The following RHOBTB3 variants were observed in gnomAD, a reference collection of about 807,000 sequenced individuals.
RHOBTB3 encodes the protein rho-related BTB domain-containing protein 3.
Under a neutral mutation model 67.2 loss-of-function variants are expected in RHOBTB3, and 47 were observed. The observed-to-expected ratio is 0.70, with a 90% CI of 0.55 to 0.89. RHOBTB3 has a LOEUF of 0.89. Among genes scored for constraint, RHOBTB3 ranks in the 40% least tolerant of loss-of-function variants. The probability of loss-of-function intolerance (pLI) is 0.00; values close to 1 mark genes in which losing one functional copy is unlikely to be tolerated. For synonymous variants in RHOBTB3, 273 were observed against 274.2 expected (o/e 1.00, Z 0.04); for missense variants, 631 against 750.0 (o/e 0.84, Z 1.85).
intron 5 of RHOBTB3, among the ~76,000 whole-genome samples, chr5:95,753,540 C>A (rs1745155134): frequency 2.0e-5 from 3 of 152,068 alleles, no homozygotes; most frequent in Non-Finnish European, 4.4e-5. Flanking sequence ...ATTTAAGGGA[C>A]CTCATCTCTT....
chr5:95,783,289 T>A (rs1161454221), intron 9 of RHOBTB3, among the ~76,000 whole-genome samples: 1 of 130,430 alleles, frequency 7.7e-6, no homozygotes, highest in African/African-American at 2.5e-5. Context: ...ACCTGGCTAA[T>A]TTTTTTTTAT....
At chr5:95,742,985 G>A (rs1446898384) in intron 3 of RHOBTB3, among the ~76,000 whole-genome samples, 1 of 152,130 alleles carries the variant, frequency 6.6e-6, no homozygotes, top group Admixed American at 6.5e-5. Context: ...GCAGGAGAAT[G>A]GCGTGAACCT....
At chr5:95,767,917 G>T in intron 7 of RHOBTB3, 129 bp from the exon 8 acceptor site, 2 of 891,514 alleles carry the variant, frequency 2.2e-6, no homozygotes, top group Non-Finnish European at 3.7e-6. Context: ...CCTGTGATCA[G>T]AGATGTCATA....
chr5:95,759,604 T>C (rs1477168429), intron 6 of RHOBTB3, among the ~76,000 whole-genome samples: 1 of 152,226 alleles, frequency 6.6e-6, no homozygotes, highest in Non-Finnish European at 1.5e-5. Context: ...TTTGAAAAAA[T>C]GTATTTTGTA....
At chr5:95,752,186 G>T in intron 4 of RHOBTB3, 53 bp from the exon 5 acceptor site, 1 of 1,089,922 alleles carries the variant, frequency 9.2e-7, no homozygotes, top group Non-Finnish European at 1.4e-6. Context: ...AAATTTTCAT[G>T]TTGGATATAT....
intron 9 of RHOBTB3, 53 bp from the exon 10 acceptor site, chr5:95,783,744 A>T: frequency 6.6e-7 from 1 of 1,513,658 alleles, no homozygotes; most frequent in Non-Finnish European, 9.1e-7. Flanking sequence ...TGTTTAGATC[A>T]TTAAAGAAAT....
intron 6 of RHOBTB3, among the ~76,000 whole-genome samples, chr5:95,761,277 CCTTTCCTGCATACCA>C (rs1745385322): frequency 6.6e-6 from 1 of 151,740 alleles, no homozygotes; most frequent in Non-Finnish European, 1.5e-5. Context: ...TTACATGTTC[CCTTTCCTGCATACCA>C]CTAACACTGG....
chr5:95,754,029 C>G (rs915705428), intron 5 of RHOBTB3, among the ~76,000 whole-genome samples: 5 of 152,014 alleles, frequency 3.3e-5, no homozygotes, highest in African/African-American at 1.2e-4. Flanking sequence ...CTGCATGAAC[C>G]AGGGTGGCAG....
At chr5:95,725,055 T>C (rs1289618070) in intron 1 of RHOBTB3, among the ~76,000 whole-genome samples, 1 of 152,092 alleles carries the variant, frequency 6.6e-6, no homozygotes, top group Non-Finnish European at 1.5e-5. Flanking sequence ...ACACATGCCA[T>C]GTGACCTAGC....
At chr5:95,774,195 G>A (rs1745803706) in intron 8 of RHOBTB3, among the ~76,000 whole-genome samples, 1 of 152,110 alleles carries the variant, frequency 6.6e-6, no homozygotes, top group African/African-American at 2.4e-5. Context: ...TTAGAAAAAT[G>A]TTGTAAGTGC....
At chr5:95,752,605 G>A (rs1389645558) in intron 5 of RHOBTB3, among the ~76,000 whole-genome samples, 1 of 152,138 alleles carries the variant, frequency 6.6e-6, no homozygotes, top group Non-Finnish European at 1.5e-5. Context: ...TGTGTCCTAG[G>A]TGGGGAGCTG....
At chr5:95,790,683 C>T (rs1750877781) in intron 11 of RHOBTB3, among the ~76,000 whole-genome samples, 1 of 152,158 alleles carries the variant, frequency 6.6e-6, no homozygotes, top group Admixed American at 6.5e-5. Flanking sequence ...AACTCTCATT[C>T]TGCAGTGCCT....
At chr5:95,751,281 C>A (rs1424836216) in intron 4 of RHOBTB3, 1 of 151,976 alleles carries the variant, frequency 6.6e-6, no homozygotes, top group East Asian at 1.9e-4. Flanking sequence ...GGTGGTTGCC[C>A]ACTGAGAAAA....
chr5:95,793,271 G>T lies in RHOBTB3; in HGVS notation c.*97G>T, dbSNP rs757956504. ...ATTCTTCTGACCGAAACCAATGTGG[G>T]TGTTAGAAAAATTACCATATAGCTT... On this transcript the variant is annotated 3_prime_UTR_variant, in exon 12 of 12. Transcript: ENST00000379982. 2.7e-6 allele frequency: 2 copies of T among 730,206 alleles called. No homozygotes were observed. The highest frequency in any genetic ancestry group is 4.5e-6 in the Non-Finnish European group (2 of 446,180). 45.2% of individuals were successfully genotyped at this position (730,206 alleles called of 1,614,324 possible).
At chr5:95,775,495 C>A (rs1745846860) in intron 8 of RHOBTB3, among the ~76,000 whole-genome samples, 1 of 149,216 alleles carries the variant, frequency 6.7e-6, no homozygotes, top group South Asian at 2.1e-4. Context: ...TCAAATATTC[C>A]AAAATCTAAA....
upstream of RHOBTB3, chr5:95,730,997 C>T (rs1478868501): frequency 4.8e-6 from 3 of 620,488 alleles, no homozygotes; most frequent in Middle Eastern, 3.1e-4. Flanking sequence ...TTTTCCAGTC[C>T]GGAGTGAGCG....
intron 8 of RHOBTB3, among the ~76,000 whole-genome samples, chr5:95,777,932 C>G (rs1745936790): frequency 6.6e-6 from 1 of 152,110 alleles, no homozygotes; most frequent in South Asian, 2.1e-4. Context: ...GCCTGGCCAA[C>G]ACAGCAAAAC....
chr5:95,772,507 C>A (rs143721014), intron 8 of RHOBTB3, among the ~76,000 whole-genome samples: 39 of 152,018 alleles, frequency 2.6e-4, no homozygotes, highest in African/African-American at 8.2e-4. Flanking sequence ...TAACCTAGGT[C>A]CTCTTGATTG....
chr5:95,775,748 A>G lies in RHOBTB3; in HGVS notation c.1283-4504A>G, dbSNP rs1015838757. Among the ~76,000 whole-genome samples, 154 of 152,194 alleles carry G rather than the reference A, an allele frequency of 1.0e-3. 1 individual carries two copies. Among genetic ancestry groups the G allele is most frequent in the African/African-American group, 3.6e-3 (151 of 41,536 alleles). ...ATGGGAATAGCAATTGGAAGTGTGA[A>G]AGTACTTCTCACCTTGTCATTGATG... is the stretch of plus-strand genomic sequence containing the variant. On this transcript the variant is annotated intron_variant, in intron 8 of 11. Coordinates refer to ENST00000379982, the MANE Select transcript of RHOBTB3 (RefSeq NM_014899.4).
Sources: allele counts gnomAD v4.1 joint callset (sites outside exome capture counted in the v4.1 genomes callset), GRCh38; gene constraint gnomAD v4.1.1; transcripts MANE v1.5; gene names NCBI Gene and HGNC (gene_info 2026-07-23, HGNC 2026-07-21).